GSE1: variants seen among roughly 807,000 people sequenced by gnomAD.
GSE1 encodes the protein Gse1 coiled-coil protein.
In GSE1, 32 loss-of-function variants were observed where a neutral mutation model predicts 112.6. That is an observed-to-expected ratio of 0.28 (90% CI 0.21 to 0.38). GSE1 has a LOEUF of 0.38. GSE1 is among the 10% of genes least tolerant of loss of function. The pLI is 1.00. For missense variants in GSE1, 2,348 were observed against 1,699.2 expected (o/e 1.38, Z -6.71); for synonymous variants, 1,115 against 735.6 (o/e 1.52, Z -8.35).
intron 1 of GSE1, among the ~76,000 whole-genome samples, chr16:85,180,391 C>T (rs1482975262): frequency 1.3e-5 from 2 of 152,224 alleles, no homozygotes; most frequent in African/African-American, 4.8e-5. Flanking sequence ...CTATCCTGCC[C>T]ATCATTAGTG....
chr16:85,602,034 G>C (rs1023280692), intron 1 of GSE1, among the ~76,000 whole-genome samples: 9 of 152,206 alleles, frequency 5.9e-5, no homozygotes, highest in African/African-American at 2.2e-4. Flanking sequence ...GAGGAAGAGA[G>C]AGTGCAGTTC....
chr16:85,356,152 T>C (rs1392810496), intron 1 of GSE1, among the ~76,000 whole-genome samples: 5 of 152,252 alleles, frequency 3.3e-5, no homozygotes, highest in Admixed American at 2.6e-4. Flanking sequence ...AAGTTCCATG[T>C]AGAGCTAGGG....
intron 2 of GSE1, among the ~76,000 whole-genome samples, chr16:85,493,720 G>A (rs1209010165): frequency 7.4e-5 from 11 of 148,900 alleles, no homozygotes; most frequent in African/African-American, 2.5e-4. Context: ...AACCCGGGAG[G>A]TAGAGGTTGT....
chr16:85,378,558 C>T (rs1372252501), intron 2 of GSE1, among the ~76,000 whole-genome samples: 1 of 151,326 alleles, frequency 6.6e-6, no homozygotes, highest in Non-Finnish European at 1.5e-5. Flanking sequence ...CGTACACATG[C>T]AGCGCTCACC....
chr16:85,336,335 A>G (rs1203551622), intron 1 of GSE1, among the ~76,000 whole-genome samples: 3 of 152,236 alleles, frequency 2.0e-5, no homozygotes, highest in South Asian at 2.1e-4. Context: ...GAGCCAGGGG[A>G]TGGCCCAGAC....
In GSE1 at chr16:85,437,327, A is replaced by G. The variant is rs892606348; in HGVS notation, c.2464+79684A>G. ...AGGAGTGCCGAGGAGGCCTTTTTAC[A>G]TGTAAATAGAAGAACTGGCCTCCTG... On this transcript the variant is annotated intron_variant, in intron 2 of 2. Coordinates refer to the GSE1 transcript ENST00000637419. Among the ~76,000 whole-genome samples the G allele has an allele frequency of 1.1e-4, 16 of 152,120 alleles. 1 individual carries two copies. The highest frequency in any genetic ancestry group is 1.9e-4 in the East Asian group (1 of 5,180).
chr16:85,579,451 A>G (rs145333413), intron 1 of GSE1, among the ~76,000 whole-genome samples: 4 of 152,276 alleles, frequency 2.6e-5, no homozygotes, highest in Admixed American at 2.6e-4. Context: ...ATTATGTCTT[A>G]ATGTATGATA....
chr16:85,653,932 A>G (rs1330674052), intron 3 of GSE1, among the ~76,000 whole-genome samples: 3 of 152,052 alleles, frequency 2.0e-5, no homozygotes. Flanking sequence ...GGATGTCCAC[A>G]CCAGGAGGGG....
rs77982089 is a variant in GSE1 at position 85,497,982 on chromosome 16, G to A, written c.2465-135932G>A. 7.7e-3 allele frequency among the ~76,000 whole-genome samples: 1,178 copies of A among 152,080 alleles called. 26 individuals carry two copies. The highest frequency in any genetic ancestry group is 0.027 in the African/African-American group (1,127 of 41,490). ...TCAGCTGGGAGGTGGGGGAGCGGGCGACGAGGGACCCCACGCCCTGACCAC... is the reference window on the plus strand; with the variant it reads ...TCAGCTGGGAGGTGGGGGAGCGGGCAACGAGGGACCCCACGCCCTGACCAC... On this transcript the variant is annotated intron_variant, in intron 2 of 2. Transcript: ENST00000637419.
intron 1 of GSE1, among the ~76,000 whole-genome samples, chr16:85,245,751 A>G (rs1402561879): frequency 6.6e-6 from 1 of 152,114 alleles, no homozygotes; most frequent in Non-Finnish European, 1.5e-5. Context: ...GGACGGCAAG[A>G]CTGTGGGCAC....
chr16:85,576,506 C>A (rs902431385), intron 1 of GSE1, among the ~76,000 whole-genome samples: 4 of 152,134 alleles, frequency 2.6e-5, no homozygotes, highest in African/African-American at 9.7e-5. Flanking sequence ...TGCTGGAGCT[C>A]GGATCACCTG....
Position 85,676,184 on chromosome 16 carries a change from A to T in GSE1, c.*3645A>T, listed in dbSNP as rs2053663759. 6.5e-6 allele frequency: 1 copy of T among 152,700 alleles called. No homozygotes were observed. Among genetic ancestry groups the T allele is most frequent in the Non-Finnish European group, 1.5e-5 (1 of 68,056 alleles). 9.5% of individuals were successfully genotyped at this position (152,700 alleles called of 1,614,324 possible). ...TAATTTCTGACAACATCCAAAAAAT[A>T]AAATCTTCCTAAATTATGTTAAGAG... On this transcript the variant is annotated 3_prime_UTR_variant, in exon 16 of 16. Coordinates refer to ENST00000253458, the MANE Select transcript of GSE1 (RefSeq NM_014615.5).
chr16:85,283,366 C>T (rs1327762845), intron 1 of GSE1: 6 of 152,808 alleles, frequency 3.9e-5, no homozygotes, highest in Admixed American at 2.6e-4. Context: ...GTGCCAACCC[C>T]CTGCGCCCTG....
At chr16:85,401,140 C>T (rs1161363626) in intron 2 of GSE1, among the ~76,000 whole-genome samples, 5 of 151,996 alleles carry the variant, frequency 3.3e-5, no homozygotes, top group African/African-American at 9.7e-5. Flanking sequence ...TGGGTGGGTG[C>T]GGTGCGGGGA....
intron 1 of GSE1, among the ~76,000 whole-genome samples, chr16:85,290,488 C>T (rs1185317770): frequency 1.3e-5 from 2 of 152,134 alleles, no homozygotes; most frequent in African/African-American, 2.4e-5. Context: ...TTAAACCCTC[C>T]GTCACTTGCT....
chr16:85,410,133 GT>G (rs2048468126), intron 2 of GSE1, among the ~76,000 whole-genome samples: 1 of 69,324 alleles, frequency 1.4e-5, no homozygotes, highest in Non-Finnish European at 2.5e-5. Context: ...TGCACTCAGG[GT>G]CCCTCTGATA....
intron 1 of GSE1, among the ~76,000 whole-genome samples, chr16:85,616,174 C>G (rs1382623100): frequency 6.6e-6 from 1 of 152,242 alleles, no homozygotes; most frequent in African/African-American, 2.4e-5. Context: ...AGATTCCCCC[C>G]TTCCAACCCC....
At chr16:85,561,867 C>T (rs1363143685) in intron 1 of GSE1, among the ~76,000 whole-genome samples, 10 of 152,336 alleles carry the variant, frequency 6.6e-5, no homozygotes, top group Middle Eastern at 3.4e-3. Flanking sequence ...AAACTGCTTC[C>T]AGAAAGTCAA....
At chr16:85,559,122 T>C (rs1213177548) in intron 1 of GSE1, among the ~76,000 whole-genome samples, 1 of 152,192 alleles carries the variant, frequency 6.6e-6, no homozygotes, top group East Asian at 1.9e-4. Context: ...GCTCCCACCT[T>C]GGGCTGGGAT....
Sources: allele counts gnomAD v4.1 joint callset (sites outside exome capture counted in the v4.1 genomes callset), GRCh38; gene constraint gnomAD v4.1.1; transcripts MANE v1.5; gene names NCBI Gene and HGNC (gene_info 2026-07-23, HGNC 2026-07-21).